The following PCDHGA3 variants were observed in gnomAD, a reference collection of about 807,000 sequenced individuals.
PCDHGA3 encodes the protein protocadherin gamma subfamily A, 3.
PCDHGA3 carries 40 observed loss-of-function variants against 58.5 expected under a neutral mutation model. The ratio of observed to expected loss-of-function variants is 0.68; its 90% CI spans 0.53 to 0.89. The LOEUF is 0.89. PCDHGA3 is among the 40% of genes least tolerant of loss of function. PCDHGA3 has a pLI of 0.00. For missense variants in PCDHGA3, 1,223 were observed against 1,195.9 expected (o/e 1.02, Z -0.33); for synonymous variants, 530 against 525.7 (o/e 1.01, Z -0.11).
At position 141,423,462 on chromosome 5, in the gene PCDHGA3, C is replaced by A. The variant is rs371118964; in HGVS notation, c.2425-71345C>A. ...CCACGTCACATTTTGTAGGCGTGGA[C>A]GGGGTACAGGCTTTCCTGCAAACCT... On this transcript the variant is annotated intron_variant, in intron 1 of 3. Transcript: ENST00000253812. 8.1e-6 allele frequency: 13 copies of A among 1,613,808 alleles called. No homozygotes were observed. The African/African-American group carries it at 1.7e-4, about 22-fold the overall frequency.
In PCDHGA3 at chr5:141,433,358, C is replaced by CCTATCTATCTATCTAT. The variant is rs3074541; in HGVS notation, c.2425-61416_2425-61401dup. ...ACAGGTGCAAGCCACCTACTGTCTG[C>CCTATCTATCTATCTAT]CTATCTATCTATCTATCTATCTATC... On this transcript the variant is annotated intron_variant, in intron 1 of 3. Coordinates refer to ENST00000253812, the MANE Select transcript of PCDHGA3 (RefSeq NM_018916.4). 1.1e-3 allele frequency: 566 copies of CCTATCTATCTATCTAT among 504,038 alleles called. 2 individuals carry two copies. The highest frequency in any genetic ancestry group is 1.7e-3 in the East Asian group (49 of 28,778). The allele number at this position is 504,038 out of a possible 1,614,324, so 31.2% of individuals were successfully genotyped here.
At chr5:141,420,537 T>C (rs1246315357) in intron 1 of PCDHGA3, 2 of 317,450 alleles carry the variant, frequency 6.3e-6, no homozygotes, top group Non-Finnish European at 1.1e-5. Context: ...GTTAAAAATA[T>C]AAAATACAGG....
At chr5:141,363,170 G>A (rs1375062586) in intron 1 of PCDHGA3, among the ~76,000 whole-genome samples, 1 of 152,186 alleles carries the variant, frequency 6.6e-6, no homozygotes, top group Non-Finnish European at 1.5e-5. Context: ...TCTCTAACAT[G>A]CATTTTAACA....
chr5:141,355,405 A>C (rs759129732), intron 1 of PCDHGA3: 1 of 1,614,100 alleles, frequency 6.2e-7, no homozygotes, highest in Non-Finnish European at 8.5e-7. Flanking sequence ...CATCGTCTCC[A>C]GAGGTAGGAC....
chr5:141,366,644 C>A, intron 1 of PCDHGA3: 3 of 1,614,268 alleles, frequency 1.9e-6, no homozygotes, highest in Non-Finnish European at 2.5e-6. Flanking sequence ...GATCTTTCCC[C>A]AGCCCAACTA....
chr5:141,362,638 T>C, intron 1 of PCDHGA3: 5 of 1,469,888 alleles, frequency 3.4e-6, no homozygotes, highest in Non-Finnish European at 4.5e-6. Context: ...CGTATTTCTT[T>C]GTCTGTGAGT....
chr5:141,414,866 C>G (rs1413236073), intron 1 of PCDHGA3: 1 of 1,614,230 alleles, frequency 6.2e-7, no homozygotes, highest in Non-Finnish European at 8.5e-7. Flanking sequence ...GACAATGCGC[C>G]CGAGATCCTG....
Position 141,352,282 on chromosome 5 carries a change from C to T in PCDHGA3, c.2424+5825C>T, listed in dbSNP as rs1249351174. The T allele has an allele frequency of 5.0e-6, 8 of 1,614,084 alleles. No homozygotes were observed. In the Admixed American group the frequency reaches 1.2e-4, roughly 24 times the overall value. On this transcript the variant is annotated intron_variant, in intron 1 of 3. Transcript: ENST00000253812. ...AGGTATTGCCAGACCTCAGCGACCG[C>T]CCTGAGCCCTCTGACCCCCAGACGG... is the stretch of plus-strand genomic sequence containing the variant.
chr5:141,400,028 C>T (rs2093943957), intron 1 of PCDHGA3: 1 of 1,613,054 alleles, frequency 6.2e-7, no homozygotes. Context: ...AGGGACGCGG[C>T]CCGCCAGCGC....
intron 1 of PCDHGA3, among the ~76,000 whole-genome samples, chr5:141,473,313 T>C (rs1173941642): frequency 2.7e-4 from 41 of 152,246 alleles, no homozygotes; most frequent in Non-Finnish European, 5.9e-5. Context: ...GCTATATTAA[T>C]AAGCATTAAG....
chr5:141,358,588 T>C (rs73265833), intron 1 of PCDHGA3, among the ~76,000 whole-genome samples: 1 of 152,378 alleles, frequency 6.6e-6, no homozygotes, highest in African/African-American at 2.4e-5. Context: ...ATTCCTCTGG[T>C]GCACTCCTGT....
chr5:141,381,354 G>T (rs1163041754), intron 1 of PCDHGA3, among the ~76,000 whole-genome samples: 1 of 152,202 alleles, frequency 6.6e-6, no homozygotes, highest in Admixed American at 6.5e-5. Context: ...CTTTCTGCTA[G>T]CAGAGGGTAG....
intron 1 of PCDHGA3, chr5:141,389,934 G>A (rs746045897): frequency 6.2e-7 from 1 of 1,614,064 alleles, no homozygotes; most frequent in East Asian, 2.2e-5. Flanking sequence ...TGACCTCCAG[G>A]CTGAGCTGCA....
rs562872139 is a variant in PCDHGA3 at position 141,408,923 on chromosome 5, G to A, written c.2424+62466G>A. The A allele has an allele frequency of 5.6e-6, 9 of 1,613,488 alleles. No individual in the cohort carries two copies. The African/African-American group carries it at 1.1e-4, about 19-fold the overall frequency. ...CAAGGATACCAATGATAACCCCCCG[G>A]TTTTCAGCAGAGACGAATATAGAAT... On this transcript the variant is annotated intron_variant, in intron 1 of 3. Coordinates refer to ENST00000253812, the MANE Select transcript of PCDHGA3 (RefSeq NM_018916.4).
chr5:141,449,040 C>A (rs1333983931), intron 1 of PCDHGA3, among the ~76,000 whole-genome samples: 2 of 152,126 alleles, frequency 1.3e-5, no homozygotes, highest in Non-Finnish European at 2.9e-5. Flanking sequence ...GGATTATTAA[C>A]CAGTCTCATA....
chr5:141,404,764 C>T (rs371618979), intron 1 of PCDHGA3: 1 of 1,613,802 alleles, frequency 6.2e-7, no homozygotes, highest in Non-Finnish European at 8.5e-7. Context: ...ATGCTTGGCT[C>T]TCCTACCGCC....
At chr5:141,439,898 C>A (rs1428014089) in intron 1 of PCDHGA3, 2 of 152,344 alleles carry the variant, frequency 1.3e-5, no homozygotes, top group African/African-American at 4.8e-5. Flanking sequence ...ACCAAGGCGA[C>A]TACTGCCTCC....
chr5:141,478,244 T>C lies in PCDHGA3; in HGVS notation c.2425-16563T>C, dbSNP rs758993366. ...TTCTGTGGGGTTTGTGGTCACAGTG[T>C]TCGGAGTAATCATATTCAAAGTTTA... On this transcript the variant is annotated intron_variant, in intron 1 of 3. Coordinates refer to ENST00000253812, the MANE Select transcript of PCDHGA3 (RefSeq NM_018916.4). 5 of 1,614,132 alleles carry C rather than the reference T, an allele frequency of 3.1e-6. No individual in the cohort carries two copies. In the South Asian group the frequency reaches 4.4e-5, roughly 14 times the overall value.
chr5:141,377,724 A>T (rs549902283), intron 1 of PCDHGA3: 1 of 152,244 alleles, frequency 6.6e-6, no homozygotes, highest in Non-Finnish European at 1.5e-5. Flanking sequence ...TTTTGAAAAG[A>T]TAAGAATCAT....
Sources: gnomAD v4.1 joint callset for allele counts (sites outside exome capture counted in the v4.1 genomes callset) on GRCh38, gnomAD v4.1.1 for gene constraint, MANE v1.5 for transcripts, NCBI Gene and HGNC (gene_info 2026-07-23, HGNC 2026-07-21) for gene names.